UNC5C: variants seen among roughly 807,000 people sequenced by gnomAD.
The protein encoded by UNC5C is unc-5 netrin receptor C.
In UNC5C, 47 loss-of-function variants were observed where a neutral mutation model predicts 99.8. The observed-to-expected ratio is 0.47, with a 90% CI of 0.37 to 0.60. The LOEUF (loss-of-function observed/expected upper bound fraction) is 0.60. UNC5C is among the 20% of genes least tolerant of loss of function. UNC5C has a pLI of 0.00. For synonymous variants in UNC5C, 487 were observed against 452.2 expected, an observed-to-expected ratio of 1.08 and a Z score of -0.98; for missense variants, 1,062 against 1,165.9, an observed-to-expected ratio of 0.91 and a Z score of 1.30.
chr4:95,388,798 C>T (rs1164011907), intron 1 of UNC5C, among the ~76,000 whole-genome samples: 3 of 152,166 alleles, frequency 2.0e-5, no homozygotes, highest in South Asian at 2.1e-4. Context: ...TAACTTCAGA[C>T]AAATTCATAT....
intron 4 of UNC5C, among the ~76,000 whole-genome samples, chr4:95,276,224 A>G (rs573547227): frequency 2.6e-5 from 4 of 152,306 alleles, no homozygotes; most frequent in Non-Finnish European, 5.9e-5. Flanking sequence ...AAGAATCTAC[A>G]CAGGAATTTA....
intron 7 of UNC5C, among the ~76,000 whole-genome samples, chr4:95,231,665 C>T (rs559445438): frequency 6.6e-6 from 1 of 152,160 alleles, no homozygotes; most frequent in African/African-American, 2.4e-5. Context: ...TTATTAAAAC[C>T]TCAAGGGCCA....
intron 11 of UNC5C, among the ~76,000 whole-genome samples, chr4:95,206,403 CT>C (rs1434163755): frequency 6.6e-6 from 1 of 151,906 alleles, no homozygotes; most frequent in South Asian, 2.1e-4. Flanking sequence ...TTATGTGCAC[CT>C]TTCCTATGAG....
intron 1 of UNC5C, among the ~76,000 whole-genome samples, chr4:95,345,281 G>A (rs966832379): frequency 2.2e-4 from 34 of 151,974 alleles, no homozygotes; most frequent in African/African-American, 6.7e-4. Context: ...AATGATAAAC[G>A]GGTCAATTCA....
At chr4:95,447,609 CCCTG>C (rs1356470868) in intron 1 of UNC5C, among the ~76,000 whole-genome samples, 2 of 152,104 alleles carry the variant, frequency 1.3e-5, no homozygotes, top group Non-Finnish European at 2.9e-5. Flanking sequence ...CAAGCAATTC[CCCTG>C]CCTCAGCCTC....
At position 95,335,424 on chromosome 4, in the gene UNC5C, A is replaced by G; in HGVS notation, c.332T>C (p.Val111Ala). ...GGAAAACTCACCGGAAGTTTCATCT[A>G]CTCTTTCATCTACTATGTGGTCCTT... ...HQKDHIVDERVDETSGLIVRE... is the reference protein window; with the variant it reads ...HQKDHIVDERADETSGLIVRE... Residue 111 changes from valine (V) to alanine (A), a missense_variant, in exon 2 of 16, where the codon GTA becomes GCA. Val to Ala is a moderately conservative substitution (Grantham distance 64). This residue lies in a region of UNC5C where 249 missense variants were observed against 295.1 expected (regional missense o/e 0.84). Coordinates refer to ENST00000453304, the MANE Select transcript of UNC5C (RefSeq NM_003728.4). 1.9e-6 allele frequency: 3 copies of G among 1,611,026 alleles called. No homozygotes were observed. The highest frequency in any genetic ancestry group is 2.2e-5 in the East Asian group (1 of 44,806).
rs1391896003 is a variant in UNC5C at position 95,242,441 on chromosome 4, G to T, written c.1096C>A (p.Leu366Ile). 2 of 1,614,108 alleles carry T rather than the reference G, an allele frequency of 1.2e-6. No homozygotes were observed. Among genetic ancestry groups the T allele is most frequent in the East Asian group, 2.2e-5 (1 of 44,862 alleles). The part of the protein sequence containing the change: ...VLQSKNCTDG[L>I]CMQTAPDSDD... The stretch of plus-strand genomic sequence containing the variant: ...TAAATTGACTTACTCTGCATGCAAA[G>T]CCCATCAGTGCAGTTCTTGGATTGC... The change falls in exon 7 of 16, where the codon CTT becomes ATT. Residue 366 changes from leucine to isoleucine, a missense_variant. By Grantham distance (5) the Leu-to-Ile change is conservative (BLOSUM62 2). Transcript: ENST00000453304.
chr4:95,451,793 T>C (rs1747285491), intron 1 of UNC5C, among the ~76,000 whole-genome samples: 1 of 152,158 alleles, frequency 6.6e-6, no homozygotes, highest in Non-Finnish European at 1.5e-5. Context: ...ATAAACATTA[T>C]AACAAATGAG....
At chr4:95,503,248 C>G (rs1243285935) in intron 1 of UNC5C, among the ~76,000 whole-genome samples, 1 of 151,948 alleles carries the variant, frequency 6.6e-6, no homozygotes, top group Non-Finnish European at 1.5e-5. Context: ...CTTTCTCACC[C>G]TCTCCCCTTT....
At chr4:95,510,039 A>G (rs1722029118) in intron 1 of UNC5C, among the ~76,000 whole-genome samples, 1 of 152,012 alleles carries the variant, frequency 6.6e-6, no homozygotes, top group East Asian at 1.9e-4. Flanking sequence ...TAAGGCACAG[A>G]AATTGGAAGT....
intron 1 of UNC5C, among the ~76,000 whole-genome samples, chr4:95,344,953 A>C (rs1377304864): frequency 3.3e-5 from 5 of 152,094 alleles, no homozygotes; most frequent in Admixed American, 2.6e-4. Flanking sequence ...CTGCAAAACA[A>C]ACAGAAAACA....
intron 1 of UNC5C, among the ~76,000 whole-genome samples, chr4:95,341,813 T>C (rs1743591153): frequency 6.6e-6 from 1 of 152,052 alleles, no homozygotes; most frequent in Admixed American, 6.6e-5. Flanking sequence ...CTCCCAGCAG[T>C]AGCTGTGAGG....
intron 1 of UNC5C, among the ~76,000 whole-genome samples, chr4:95,438,565 T>C (rs1005588215): frequency 3.9e-5 from 6 of 152,144 alleles, no homozygotes; most frequent in Non-Finnish European, 5.9e-5. Flanking sequence ...TGCTGATACA[T>C]AGAGATAGCA....
intron 2 of UNC5C, among the ~76,000 whole-genome samples, chr4:95,313,988 T>A (rs1467906652): frequency 6.6e-6 from 1 of 152,150 alleles, no homozygotes. Flanking sequence ...TGCTGCATTG[T>A]GAGAAAAGGA....
At chr4:95,377,777 A>G (rs1744939593) in intron 1 of UNC5C, among the ~76,000 whole-genome samples, 1 of 152,114 alleles carries the variant, frequency 6.6e-6, no homozygotes, top group Middle Eastern at 3.2e-3. Flanking sequence ...TTCACGCCCT[A>G]CAGTTAGGTG....
intron 3 of UNC5C, among the ~76,000 whole-genome samples, chr4:95,286,656 A>G (rs766377107): frequency 2.2e-4 from 34 of 152,178 alleles, no homozygotes; most frequent in Non-Finnish European, 4.1e-4. Flanking sequence ...AAAGCTAGGC[A>G]TAAGATTTTT....
intron 1 of UNC5C, among the ~76,000 whole-genome samples, chr4:95,468,867 A>G (rs1747879293): frequency 6.6e-6 from 1 of 152,160 alleles, no homozygotes; most frequent in Admixed American, 6.6e-5. Context: ...AGAACTTTAA[A>G]AGGCAGTCCC....
chr4:95,295,393 T>C (rs1029598934), intron 3 of UNC5C, among the ~76,000 whole-genome samples: 3 of 152,236 alleles, frequency 2.0e-5, no homozygotes. Context: ...AAAGCAGATG[T>C]GTTATGTTCT....
chr4:95,252,930 T>G (rs1357141814), intron 4 of UNC5C, among the ~76,000 whole-genome samples: 2 of 152,236 alleles, frequency 1.3e-5, no homozygotes, highest in Non-Finnish European at 2.9e-5. Context: ...ACATATTATA[T>G]AAAGTTACCT....
Sources: allele counts gnomAD v4.1 joint callset (sites outside exome capture counted in the v4.1 genomes callset), GRCh38; gene constraint gnomAD v4.1.1; regional missense constraint gnomAD v4.1.1; transcripts MANE v1.5; gene names NCBI Gene and HGNC (gene_info 2026-07-23, HGNC 2026-07-21).